The following DENND1A variants were observed in gnomAD, a reference collection of about 807,000 sequenced individuals.
DENND1A encodes the protein DENN domain-containing protein 1A.
In DENND1A, 51 loss-of-function variants were observed where a neutral mutation model predicts 113.7. The ratio of observed to expected loss-of-function variants is 0.45; its 90% confidence interval spans 0.36 to 0.57. The LOEUF (loss-of-function observed/expected upper bound fraction) is 0.57. Among genes scored for constraint, DENND1A ranks in the 20% least tolerant of loss-of-function variants. The probability of loss-of-function intolerance (pLI) is 0.00; values close to 1 mark genes in which losing one functional copy is unlikely to be tolerated. For synonymous variants in DENND1A, 565 were observed against 570.8 expected, an observed-to-expected ratio of 0.99 and a Z score of 0.14; for missense variants, 1,258 against 1,395.9, an observed-to-expected ratio of 0.90 and a Z score of 1.57.
chr9:123,454,632 A>G (rs2047977665), intron 16 of DENND1A, 107 bp downstream of exon 16: 2 of 1,131,332 alleles, frequency 1.8e-6, no homozygotes, highest in Non-Finnish European at 1.3e-6. Context: ...CATCTCCAGC[A>G]GAGAGAATGG....
At chr9:123,485,637 TACACACACGCGCGCGCGCGCACACACAC>T (rs1257563728) in intron 13 of DENND1A, 8 of 78,166 alleles carry the variant, frequency 1.0e-4, no homozygotes, top group African/African-American at 5.3e-4. Flanking sequence ...TGTGTGCGCG[TACACACACGCGCGCGCGCGCACACACAC>T]ACACACACAC....
chr9:123,540,089 T>A (rs966295041), intron 13 of DENND1A, among the ~76,000 whole-genome samples: 15 of 152,186 alleles, frequency 9.9e-5, no homozygotes, highest in African/African-American at 3.6e-4. Flanking sequence ...ACATACACTT[T>A]GAGAAAGAAA....
chr9:123,850,925 G>A (rs1843251270), intron 2 of DENND1A, among the ~76,000 whole-genome samples: 1 of 151,558 alleles, frequency 6.6e-6, no homozygotes, highest in African/African-American at 2.4e-5. Context: ...CCAAAAGAAA[G>A]GAATAAAAAA....
chr9:123,593,791 G>A (rs2059568462), intron 11 of DENND1A, among the ~76,000 whole-genome samples: 1 of 152,138 alleles, frequency 6.6e-6, no homozygotes, highest in African/African-American at 2.4e-5. Flanking sequence ...GTGGCTCTGT[G>A]TTCCCACCCA....
At chr9:123,830,970 G>A (rs528757285) in intron 2 of DENND1A, among the ~76,000 whole-genome samples, 11 of 149,336 alleles carry the variant, frequency 7.4e-5, no homozygotes, top group Admixed American at 1.3e-4. Context: ...TTAAGCCCAC[G>A]TAATAAGAAC....
intron 13 of DENND1A, among the ~76,000 whole-genome samples, chr9:123,522,509 T>C (rs559925816): frequency 1.3e-4 from 20 of 152,328 alleles, no homozygotes; most frequent in Non-Finnish European, 2.2e-4. Flanking sequence ...GGCAGCAAGA[T>C]GGAGCAAACA....
Position 123,443,356 on chromosome 9 carries a change from G to A in DENND1A, c.1357-2865C>T, listed in dbSNP as rs553681859. Among the ~76,000 whole-genome samples, 46 of 152,288 alleles carry A rather than the reference G, an allele frequency of 3.0e-4. 1 individual carries two copies. The highest frequency in any genetic ancestry group is 3.4e-3 in the Middle Eastern group (1 of 294). On this transcript the variant is annotated intron_variant, in intron 18 of 23. Transcript: ENST00000394215. ...TTGTATCTCTATCAACTGTAAGTTC[G>A]TTGGGGTCTGGGTTCTCTAACCTAG...
intron 2 of DENND1A, among the ~76,000 whole-genome samples, chr9:123,797,184 T>G (rs1345998683): frequency 6.6e-6 from 1 of 152,194 alleles, no homozygotes; most frequent in Non-Finnish European, 1.5e-5. Flanking sequence ...GAAGCAGGAC[T>G]TTAACATTAG....
At position 123,404,480 on chromosome 9, in the gene DENND1A, C is replaced by T. The variant is rs2131358802; in HGVS notation, c.1543-990G>A. Among the ~76,000 whole-genome samples the T allele has an allele frequency of 2.0e-5, 3 of 152,384 alleles. 1 individual carries two copies. Among genetic ancestry groups the T allele is most frequent in the Non-Finnish European group, 4.4e-5 (3 of 68,042 alleles). On this transcript the variant is annotated intron_variant, in intron 20 of 23. Transcript: ENST00000394215. Reference sequence around the variant, plus strand: ...CCTGCCGGGGCAGGGGGCTTGCTTTCTCCACGGATGGGATGCCACAACTGC... The same window carrying T: ...CCTGCCGGGGCAGGGGGCTTGCTTTTTCCACGGATGGGATGCCACAACTGC...
At chr9:123,492,400 A>T (rs1564592030) in intron 13 of DENND1A, among the ~76,000 whole-genome samples, 1 of 152,220 alleles carries the variant, frequency 6.6e-6, no homozygotes, top group East Asian at 1.9e-4. Context: ...TGTTCTAGGC[A>T]AAGAGAATGC....
intron 12 of DENND1A, among the ~76,000 whole-genome samples, chr9:123,578,595 T>C (rs1042879686): frequency 7.2e-5 from 11 of 152,178 alleles, no homozygotes; most frequent in Non-Finnish European, 1.5e-5. Context: ...TTTTACAAGA[T>C]TTCATCTACC....
chr9:123,922,864 G>A (rs1227097308), intron 1 of DENND1A, among the ~76,000 whole-genome samples: 2 of 152,178 alleles, frequency 1.3e-5, no homozygotes, highest in East Asian at 1.9e-4. Context: ...TTTTCTATAG[G>A]AACATATATG....
chr9:123,613,153 A>G (rs1180707140), intron 10 of DENND1A, among the ~76,000 whole-genome samples: 1 of 152,192 alleles, frequency 6.6e-6, no homozygotes, highest in Non-Finnish European at 1.5e-5. Flanking sequence ...CACTGAGTTC[A>G]GGAGGGTTGC....
rs1023932306 is a variant in DENND1A, at chr9:123,401,500, C to T, written c.1631+1902G>A. ...GTCCTGAAACGTACCCCTCTGTCTC[C>T]TTGTGGGCCCGAGCCACTGTGACGT... On this transcript the variant is annotated intron_variant, in intron 21 of 23. Coordinates refer to ENST00000394215, the MANE Select transcript of DENND1A (RefSeq NM_001352964.2). The T allele has an allele frequency of 1.3e-5, 16 of 1,240,892 alleles. No homozygotes were observed. The African/African-American group carries it at 2.3e-4, about 18-fold the overall frequency. The allele number at this position is 1,240,892 out of a possible 1,614,324, so 76.9% of individuals were successfully genotyped here.
intron 3 of DENND1A, among the ~76,000 whole-genome samples, chr9:123,781,515 A>G (rs1205828924): frequency 1.3e-5 from 2 of 152,224 alleles, no homozygotes; most frequent in Non-Finnish European, 2.9e-5. Flanking sequence ...ATCATCAATT[A>G]CACAGAAGCA....
intron 20 of DENND1A, 43 bp downstream of exon 20, chr9:123,411,733 C>A: frequency 1.0e-6 from 1 of 985,080 alleles, no homozygotes; most frequent in Non-Finnish European, 1.2e-6. Context: ...GAGAATGGCT[C>A]AGGCAGTGTT....
At chr9:123,505,319 A>T (rs936643366) in intron 13 of DENND1A, among the ~76,000 whole-genome samples, 5 of 152,224 alleles carry the variant, frequency 3.3e-5, no homozygotes, top group Non-Finnish European at 7.3e-5. Flanking sequence ...GGAGATGTAA[A>T]CAGATATACC....
At chr9:123,557,776 C>T in intron 12 of DENND1A, 81 bp from the exon 13 acceptor site, 2 of 1,499,374 alleles carry the variant, frequency 1.3e-6, no homozygotes, top group African/African-American at 1.4e-5. Context: ...CATATGGAGC[C>T]CTGGAAGATC....
chr9:123,559,693 T>C (rs1483281151), intron 12 of DENND1A, among the ~76,000 whole-genome samples: 2 of 152,340 alleles, frequency 1.3e-5, no homozygotes, highest in Non-Finnish European at 2.9e-5. Flanking sequence ...ATTTCACATA[T>C]AAAATTCATT....
Sources: allele counts gnomAD v4.1 joint callset (sites outside exome capture counted in the v4.1 genomes callset), GRCh38; gene constraint gnomAD v4.1.1; transcripts MANE v1.5; gene names NCBI Gene and HGNC (gene_info 2026-07-23, HGNC 2026-07-21).